The following SLC7A5 variants were observed in gnomAD, a reference collection of about 807,000 sequenced individuals.
SLC7A5 encodes solute carrier family 7 member 5.
SLC7A5 carries 23 observed loss-of-function variants against 50.2 expected under a neutral mutation model. That is an observed-to-expected ratio of 0.46 (90% CI 0.33 to 0.65). The LOEUF (loss-of-function observed/expected upper bound fraction) is 0.65, where lower values mean the gene tolerates loss of function less well. SLC7A5 is among the 30% of genes least tolerant of loss of function. SLC7A5 has a pLI of 0.02. For missense variants in SLC7A5, 578 were observed against 684.4 expected (o/e 0.84, Z 1.73); for synonymous variants, 393 against 330.6 (o/e 1.19, Z -2.05).
At position 87,832,977 on chromosome 16, in the gene SLC7A5, T is replaced by C. The variant is rs1335280051; in HGVS notation, c.1517A>G (p.Glu506Gly). 3 of 1,613,660 alleles carry C rather than the reference T, an allele frequency of 1.9e-6. No homozygotes were observed. Among genetic ancestry groups the C allele is most frequent in the Non-Finnish European group, 1.7e-6 (2 of 1,179,772 alleles). ...AGCCACTCGGCCTCCTGGCTATGTC[T>C]CCTGGGGGACCACCTGCATGAGCTT... is the stretch of plus-strand genomic sequence containing the variant. The part of the protein sequence containing the change: ...CQKLMQVVPQ[E>G]T Residue 506 changes from glutamate (E) to glycine (G), a missense_variant, in exon 10 of 10, where the codon GAG becomes GGG. Coordinates refer to ENST00000261622, the MANE Select transcript of SLC7A5 (RefSeq NM_003486.7). This position sits in a 1 kb window ranked among gnomAD's most constrained non-coding sequence, Gnocchi z 4.6.
Position 87,852,486 on chromosome 16 carries a change from C to A in SLC7A5, c.539-637G>T, listed in dbSNP as rs2055242918. 6.6e-6 allele frequency among the ~76,000 whole-genome samples: 1 copy of A among 152,186 alleles called. No individual in the cohort carries two copies. On this transcript the variant is annotated intron_variant, in intron 1 of 9. Transcript: ENST00000261622. The surrounding 1 kb of genome is among the most constrained non-coding windows in gnomAD (Gnocchi z 4.5). ...GGGCATACGATGAAACCCAAAATAG[C>A]ACCGTGTGCTTCAGAAGCCTGAGTG...
At chr16:87,842,666 G>C (rs900634768) in intron 2 of SLC7A5, among the ~76,000 whole-genome samples, 31 of 152,256 alleles carry the variant, frequency 2.0e-4, no homozygotes, top group Admixed American at 2.0e-3. Flanking sequence ...GCCTACACTG[G>C]GGGTGCTGGT....
Position 87,832,955 on chromosome 16 carries a change from C to G in SLC7A5, c.*15G>C, listed in dbSNP as rs1567485202. 2 of 1,611,630 alleles carry G rather than the reference C, an allele frequency of 1.2e-6. No homozygotes were observed. Among genetic ancestry groups the G allele is most frequent in the Middle Eastern group, 1.6e-4 (1 of 6,078 alleles). ...CCTCTGCGCATGCTCCTCCGGCAGC[C>G]ACTCGGCCTCCTGGCTATGTCTCCT... On this transcript the variant is annotated 3_prime_UTR_variant, in exon 10 of 10. Transcript: ENST00000261622. This position sits in a 1 kb window ranked among gnomAD's most constrained non-coding sequence, Gnocchi z 4.6.
chr16:87,837,819 G>C (rs774670259), intron 7 of SLC7A5, 26 bp downstream of exon 7: 1 of 1,573,460 alleles, frequency 6.4e-7, no homozygotes. Context: ...AGGGATGTAG[G>C]GCACAGGGCC....
At chr16:87,867,729 A>T (rs1173334285) in intron 1 of SLC7A5, among the ~76,000 whole-genome samples, 1 of 152,178 alleles carries the variant, frequency 6.6e-6, no homozygotes, top group African/African-American at 2.4e-5. Flanking sequence ...CATGGGATGA[A>T]TCTGAGAATT....
At chr16:87,847,772 C>T (rs934460923) in intron 2 of SLC7A5, among the ~76,000 whole-genome samples, 15 of 152,172 alleles carry the variant, frequency 9.9e-5, no homozygotes, top group African/African-American at 3.4e-4. Flanking sequence ...GGACCTGGGG[C>T]AGGGCACCCC....
In SLC7A5 at chr16:87,862,705, G is replaced by A. The variant is rs1337367234; in HGVS notation, c.538+6180C>T. Reference sequence around the variant, plus strand: ...CGTGCAACTGGCACCTTCACACGCAGAGGCCTGGGATTCCCAGACACCTGG... The same window carrying A: ...CGTGCAACTGGCACCTTCACACGCAAAGGCCTGGGATTCCCAGACACCTGG... On this transcript the variant is annotated intron_variant, in intron 1 of 9. Coordinates refer to ENST00000261622, the MANE Select transcript of SLC7A5 (RefSeq NM_003486.7). The surrounding 1 kb of genome is among the most constrained non-coding windows in gnomAD (Gnocchi z 5.3). 6.6e-6 allele frequency among the ~76,000 whole-genome samples: 1 copy of A among 152,250 alleles called. No homozygotes were observed. The highest frequency in any genetic ancestry group is 2.4e-5 in the African/African-American group (1 of 41,470).
chr16:87,831,164 C>T lies in SLC7A5; in HGVS notation c.*1806G>A, dbSNP rs938480875. 6.6e-6 allele frequency: 1 copy of T among 152,276 alleles called. No individual in the cohort carries two copies. Among genetic ancestry groups the T allele is most frequent in the African/African-American group, 2.4e-5 (1 of 41,470 alleles). 9.4% of individuals were successfully genotyped at this position (152,276 alleles called of 1,614,324 possible). A position where few individuals can be genotyped will look rare whatever the true frequency, so the allele number is the denominator to read the frequency against. On this transcript the variant is annotated 3_prime_UTR_variant, in exon 10 of 10. Coordinates refer to ENST00000261622, the MANE Select transcript of SLC7A5 (RefSeq NM_003486.7). ...TTGCCCAACACAGTCAGTCCACCTGCCTGCTGGTGGTCCTCGGCCTCCAGA... is the reference window on the plus strand; with the variant it reads ...TTGCCCAACACAGTCAGTCCACCTGTCTGCTGGTGGTCCTCGGCCTCCAGA...
chr16:87,863,986 AAT>A lies in SLC7A5; in HGVS notation c.538+4897_538+4898del, dbSNP rs58063420. Among the ~76,000 whole-genome samples the A allele has an allele frequency of 2.1e-3, 175 of 83,276 alleles. 9 individuals carry two copies. The highest frequency in any genetic ancestry group is 6.9e-3 in the Middle Eastern group (1 of 144). 54.6% of individuals were successfully genotyped at this position (83,276 alleles called of 152,430 possible). On this transcript the variant is annotated intron_variant, in intron 1 of 9. Transcript: ENST00000261622. ...CCAACCTTATGTGTGATCATTTAAA[AAT>A]ATATATATATATATATATATCAGCC...
chr16:87,865,369 G>A (rs1451495368), intron 1 of SLC7A5, among the ~76,000 whole-genome samples: 1 of 152,116 alleles, frequency 6.6e-6, no homozygotes, highest in Non-Finnish European at 1.5e-5. Context: ...GGCACTCTAG[G>A]GCCTGCCTTG....
chr16:87,832,136 C>T lies in SLC7A5; in HGVS notation c.*834G>A, dbSNP rs2054942807. ...CGCGGTGTGTCTGCCTTTCTTGTCTCTGTTTCTAGAAGACTGAAGGACAGG... is the reference window on the plus strand; with the variant it reads ...CGCGGTGTGTCTGCCTTTCTTGTCTTTGTTTCTAGAAGACTGAAGGACAGG... On this transcript the variant is annotated 3_prime_UTR_variant, in exon 10 of 10. Transcript: ENST00000261622. The surrounding 1 kb of genome is among the most constrained non-coding windows in gnomAD (Gnocchi z 4.6). 6.6e-6 allele frequency: 1 copy of T among 152,328 alleles called. No homozygotes were observed. The highest frequency in any genetic ancestry group is 2.4e-5 in the African/African-American group (1 of 41,472). 9.4% of individuals were successfully genotyped at this position (152,328 alleles called of 1,614,324 possible).
rs933951209 is a variant in SLC7A5 at position 87,852,216 on chromosome 16, G to A, written c.539-367C>T. ...AAGGTGACCCTGCCACTTGGAAGGC[G>A]CCCATTACACCTTTTTGTACCTACT... On this transcript the variant is annotated intron_variant, in intron 1 of 9. Coordinates refer to ENST00000261622, the MANE Select transcript of SLC7A5 (RefSeq NM_003486.7). The surrounding 1 kb of genome is among the most constrained non-coding windows in gnomAD (Gnocchi z 4.5). Among the ~76,000 whole-genome samples the A allele has an allele frequency of 7.9e-5, 12 of 152,152 alleles. No individual in the cohort carries two copies. The highest frequency in any genetic ancestry group is 3.9e-4 in the East Asian group (2 of 5,184).
At chr16:87,848,769 G>A (rs1446715950) in intron 2 of SLC7A5, among the ~76,000 whole-genome samples, 1 of 152,226 alleles carries the variant, frequency 6.6e-6, no homozygotes, top group Non-Finnish European at 1.5e-5. Context: ...ACGTGCCTAT[G>A]GCTCTCAGGT....
rs374519884 is a variant in SLC7A5 at position 87,855,735 on chromosome 16, A to G, written c.539-3886T>C. ...CAGTGTTGGAGGAGAGGGGTGGGGG[A>G]AGGGCCAGTAACAGGTGTGTTCAAT... is the stretch of plus-strand genomic sequence containing the variant. On this transcript the variant is annotated intron_variant, in intron 1 of 9. Transcript: ENST00000261622. 2.2e-4 allele frequency among the ~76,000 whole-genome samples: 33 copies of G among 151,968 alleles called. 1 individual carries two copies. The highest frequency in any genetic ancestry group is 7.5e-4 in the African/African-American group (31 of 41,492).
Position 87,838,715 on chromosome 16 carries a change from T to C in SLC7A5, c.1042A>G (p.Arg348Gly). The change falls in exon 6 of 10, where the codon AGG (arginine) becomes GGG (glycine). Residue 348 changes from arginine to glycine, a missense_variant and splice_region_variant. By Grantham distance (125) the Arg-to-Gly change is moderately radical. Transcript: ENST00000261622. The stretch of plus-strand genomic sequence containing the variant: ...TGTGGTGGGTCGGGCTGTGCTCACC[T>C]GGAGGATGTGAACAGGGACCCATTG... ...SVNGSLFTSS[R>G]LFFVGSREGH... The C allele has an allele frequency of 1.9e-6, 3 of 1,612,440 alleles. No homozygotes were observed. Among genetic ancestry groups the C allele is most frequent in the Non-Finnish European group, 2.5e-6 (3 of 1,178,630 alleles).
rs1567496901 is a variant in SLC7A5 at position 87,852,579 on chromosome 16, C to G, written c.539-730G>C. 6.6e-6 allele frequency among the ~76,000 whole-genome samples: 1 copy of G among 151,878 alleles called. No homozygotes were observed. Among genetic ancestry groups the G allele is most frequent in the South Asian group, 2.1e-4 (1 of 4,822 alleles). On this transcript the variant is annotated intron_variant, in intron 1 of 9. Transcript: ENST00000261622. The surrounding 1 kb of genome is among the most constrained non-coding windows in gnomAD (Gnocchi z 4.5). ...AGATGTGGGGTCAGGCACGCTCAGA[C>G]AGGTCTCCAGACACCAGCACGTCCT...
intron 1 of SLC7A5, chr16:87,854,079 C>CCG (rs1312850823): frequency 2.1e-5 from 3 of 141,258 alleles, no homozygotes; most frequent in Non-Finnish European, 4.7e-5. Flanking sequence ...CCCGCCCCCC[C>CCG]CCCCACCGCC....
chr16:87,847,340 G>A lies in SLC7A5; in HGVS notation c.664+4384C>T, dbSNP rs182295117. Among the ~76,000 whole-genome samples the A allele has an allele frequency of 2.0e-3, 303 of 152,234 alleles. 3 individuals carry two copies. The highest frequency in any genetic ancestry group is 2.1e-3 in the Non-Finnish European group (144 of 67,990). Reference sequence around the variant, plus strand: ...CAGAAACATCGTCTGGGGGCTGGACGCCCCCACCCACAGGAAGAGGAGACC... The same window carrying A: ...CAGAAACATCGTCTGGGGGCTGGACACCCCCACCCACAGGAAGAGGAGACC... On this transcript the variant is annotated intron_variant, in intron 2 of 9. Transcript: ENST00000261622.
At chr16:87,859,621 G>A (rs973473104) in intron 1 of SLC7A5, among the ~76,000 whole-genome samples, 2 of 152,154 alleles carry the variant, frequency 1.3e-5, no homozygotes, top group Non-Finnish European at 2.9e-5. Flanking sequence ...TGGAATTCAG[G>A]TACAGCGGAC....
Sources: gnomAD v4.1 joint callset for allele counts (sites outside exome capture counted in the v4.1 genomes callset) on GRCh38, gnomAD v4.1.1 for gene constraint, Gnocchi (gnomAD v3.1) non-coding constraint, MANE v1.5 for transcripts, NCBI Gene and HGNC (gene_info 2026-07-23, HGNC 2026-07-21) for gene names.